The following RBFOX1 variants were observed in gnomAD, a reference collection of about 807,000 sequenced individuals.
RBFOX1 encodes RNA binding fox-1 homolog 1, also known as RNA binding protein fox-1 homolog 1.
In RBFOX1, 8 loss-of-function variants were observed where a neutral mutation model predicts 57.7. That is an observed-to-expected ratio of 0.14 (90% CI 0.08 to 0.25). The LOEUF is 0.25. RBFOX1 is among the 10% of genes least tolerant of loss of function. The pLI, the probability that RBFOX1 is intolerant of heterozygous loss-of-function variation, is 1.00. For missense variants in RBFOX1, 611 were observed against 548.5 expected, an observed-to-expected ratio of 1.11 and a Z score of -1.14; for synonymous variants, 326 against 222.4, an observed-to-expected ratio of 1.47 and a Z score of -4.15.
rs1317247221 is a variant in RBFOX1, at chr16:5,454,859, TTTCTTTC to T, written c.220-12354_220-12348del. Among the ~76,000 whole-genome samples the T allele has an allele frequency of 9.8e-3, 134 of 13,706 alleles. 1 individual carries two copies. The highest frequency in any genetic ancestry group is 0.025 in the African/African-American group (111 of 4,446). 9.0% of individuals were successfully genotyped at this position (13,706 alleles called of 152,430 possible). A position where few individuals can be genotyped will look rare whatever the true frequency, so the allele number is the denominator to read the frequency against. On this transcript the variant is annotated intron_variant, in intron 1 of 2. Coordinates refer to the RBFOX1 transcript ENST00000585867. ...TTCTTTCCTTTCTTTCTTTCTTTTCTTTCTTTCTTTCTTTCTTTCTTTCTTTCTTTCT... is the reference window on the plus strand; with the variant it reads ...TTCTTTCCTTTCTTTCTTTCTTTTCTTTTCTTTCTTTCTTTCTTTCTTTCT...
At chr16:6,960,380 C>G (rs113166037) in intron 3 of RBFOX1, among the ~76,000 whole-genome samples, 2,217 of 152,204 alleles carry the variant, frequency 0.015, 58 homozygotes, top group African/African-American at 0.051. Context: ...GGAAAACTTT[C>G]TAATTTTAAG....
At chr16:7,485,650 A>G (rs1205697614) in intron 4 of RBFOX1, among the ~76,000 whole-genome samples, 1 of 152,222 alleles carries the variant, frequency 6.6e-6, no homozygotes, top group African/African-American at 2.4e-5. Context: ...AGATTGTTCT[A>G]TCTAAACATG....
At chr16:7,184,020 C>A (rs1404841439) in intron 4 of RBFOX1, among the ~76,000 whole-genome samples, 6 of 152,174 alleles carry the variant, frequency 3.9e-5, no homozygotes, top group Admixed American at 1.3e-4. Context: ...AGGGGCGATG[C>A]AGATGGCTGG....
At chr16:7,030,141 T>C (rs1266992344) in intron 3 of RBFOX1, among the ~76,000 whole-genome samples, 1 of 152,166 alleles carries the variant, frequency 6.6e-6, no homozygotes, top group Non-Finnish European at 1.5e-5. Flanking sequence ...GTGGTTTTAA[T>C]TGTAGTGATG....
chr16:6,046,429 A>G (rs960495267), intron 1 of RBFOX1, among the ~76,000 whole-genome samples: 6 of 152,184 alleles, frequency 3.9e-5, no homozygotes, highest in East Asian at 1.9e-4. Context: ...ATTTTAGACA[A>G]GTTTGAGATG....
At chr16:7,078,935 C>G (rs990360341) in intron 4 of RBFOX1, among the ~76,000 whole-genome samples, 1 of 127,376 alleles carries the variant, frequency 7.9e-6, no homozygotes, top group African/African-American at 2.9e-5. Context: ...GTCTTGAGCT[C>G]CTGACCTCGT....
At chr16:6,960,088 G>A (rs1379483733) in intron 3 of RBFOX1, among the ~76,000 whole-genome samples, 1 of 152,126 alleles carries the variant, frequency 6.6e-6, no homozygotes, top group Non-Finnish European at 1.5e-5. Flanking sequence ...GACCCATTTA[G>A]GATTAAACAA....
chr16:6,975,149 G>C (rs766661195), intron 3 of RBFOX1, among the ~76,000 whole-genome samples: 2 of 152,166 alleles, frequency 1.3e-5, no homozygotes, highest in African/African-American at 4.8e-5. Flanking sequence ...GCAGATCCTG[G>C]ACTAGCTCTG....
chr16:6,787,064 C>T (rs143335179), intron 3 of RBFOX1, among the ~76,000 whole-genome samples: 2 of 152,210 alleles, frequency 1.3e-5, no homozygotes, highest in African/African-American at 2.4e-5. Flanking sequence ...ATTTTGAATA[C>T]GTGAAAAGAA....
At chr16:7,156,330 T>C (rs2077126472) in intron 4 of RBFOX1, among the ~76,000 whole-genome samples, 1 of 151,212 alleles carries the variant, frequency 6.6e-6, no homozygotes, top group South Asian at 2.1e-4. Flanking sequence ...ACTTGCAGCA[T>C]ATGTATATAC....
chr16:5,676,608 C>T (rs1032310808), intron 3 of RBFOX1, among the ~76,000 whole-genome samples: 4 of 152,112 alleles, frequency 2.6e-5, no homozygotes, highest in Non-Finnish European at 5.9e-5. Flanking sequence ...TACCTGTAAT[C>T]CCAGCACTTG....
chr16:5,534,884 C>T (rs565347019), intron 2 of RBFOX1, among the ~76,000 whole-genome samples: 2 of 152,166 alleles, frequency 1.3e-5, no homozygotes, highest in Non-Finnish European at 2.9e-5. Flanking sequence ...AAGAAAGATG[C>T]TACAGATATG....
At chr16:6,201,097 T>A (rs2097212255) in intron 1 of RBFOX1, among the ~76,000 whole-genome samples, 1 of 152,164 alleles carries the variant, frequency 6.6e-6, no homozygotes, top group Non-Finnish European at 1.5e-5. Flanking sequence ...TAACATAATG[T>A]CCCTCCAGTT....
intron 3 of RBFOX1, among the ~76,000 whole-genome samples, chr16:6,963,028 G>A (rs2083349143): frequency 6.6e-6 from 1 of 152,106 alleles, no homozygotes; most frequent in Non-Finnish European, 1.5e-5. Flanking sequence ...GTAAACCTTG[G>A]ATTTGAAACA....
chr16:6,571,709 C>G (rs1038961543), intron 2 of RBFOX1, among the ~76,000 whole-genome samples: 5 of 152,062 alleles, frequency 3.3e-5, no homozygotes, highest in African/African-American at 1.2e-4. Context: ...AAGGATCAGT[C>G]AGGAAATATT....
intron 4 of RBFOX1, among the ~76,000 whole-genome samples, chr16:7,160,955 G>A (rs570313167): frequency 6.0e-4 from 91 of 152,068 alleles, no homozygotes; most frequent in African/African-American, 2.1e-3. Context: ...ATTTATATCA[G>A]CGACAAACCT....
chr16:5,716,149 C>G (rs916657317), intron 3 of RBFOX1, among the ~76,000 whole-genome samples: 1 of 152,150 alleles, frequency 6.6e-6, no homozygotes, highest in Non-Finnish European at 1.5e-5. Context: ...TTCACGTAAA[C>G]CTTTGGAAGC....
chr16:6,146,067 G>A (rs998528176), intron 1 of RBFOX1, among the ~76,000 whole-genome samples: 2 of 152,094 alleles, frequency 1.3e-5, no homozygotes, highest in Admixed American at 6.6e-5. Flanking sequence ...CTTTACATGG[G>A]GATCCAAGCT....
At chr16:7,587,432 C>G in intron 7 of RBFOX1, 132 bp downstream of exon 7, 1 of 959,008 alleles carries the variant, frequency 1.0e-6, no homozygotes, top group South Asian at 4.6e-5. Flanking sequence ...CTTTAGAGAC[C>G]ACCTTCCGTT....
Sources: gnomAD v4.1 joint callset for allele counts (sites outside exome capture counted in the v4.1 genomes callset) on GRCh38, gnomAD v4.1.1 for gene constraint, MANE v1.5 for transcripts, NCBI Gene and HGNC (gene_info 2026-07-23, HGNC 2026-07-21) for gene names.